APBB2: variants seen among roughly 807,000 people sequenced by gnomAD.
APBB2 encodes Fe65-like 1.
Under a neutral mutation model 82.5 loss-of-function variants are expected in APBB2, and 38 were observed. The observed-to-expected ratio is 0.46, with a 90% CI of 0.36 to 0.60. APBB2 has a LOEUF of 0.60. Ranked by LOEUF, APBB2 falls within the 20% of genes least tolerant of loss-of-function variation. APBB2 has a pLI of 0.00. For synonymous variants in APBB2, 341 were observed against 368.2 expected (o/e 0.93, Z 0.85); for missense variants, 772 against 972.3 (o/e 0.79, Z 2.74).
intron 12 of APBB2, chr4:40,881,532 T>TTA: frequency 1.1e-4 from 24 of 215,510 alleles, no homozygotes; most frequent in Non-Finnish European, 1.6e-4. Flanking sequence ...TCTTTTCTTT[T>TTA]TCTTTTTTTT....
At chr4:41,077,522 CAT>C (rs1032506105) in intron 3 of APBB2, among the ~76,000 whole-genome samples, 69 of 152,178 alleles carry the variant, frequency 4.5e-4, no homozygotes, top group African/African-American at 1.6e-3. Context: ...ATACAAAGTA[CAT>C]AGAGTCAGAA....
intron 4 of APBB2, among the ~76,000 whole-genome samples, chr4:41,052,950 TG>T (rs1365648813): frequency 1.3e-5 from 2 of 151,852 alleles, no homozygotes; most frequent in Non-Finnish European, 2.9e-5. Context: ...TTTTTGGTAG[TG>T]ACGGGGTTTC....
chr4:41,020,869 G>A (rs1811293219), intron 5 of APBB2, among the ~76,000 whole-genome samples: 1 of 152,190 alleles, frequency 6.6e-6, no homozygotes, highest in Admixed American at 6.5e-5. Context: ...GAGGACTGCT[G>A]CACCTTCTTA....
intron 1 of APBB2, among the ~76,000 whole-genome samples, chr4:41,204,829 G>A (rs551903145): frequency 5.1e-4 from 78 of 152,272 alleles, no homozygotes; most frequent in Non-Finnish European, 1.0e-3. Flanking sequence ...AAAGGAATTC[G>A]AAAGATATAA....
At position 41,014,046 on chromosome 4, in the gene APBB2, G is replaced by C; in HGVS notation, c.372C>G (p.Pro124=). 6.2e-7 allele frequency: 1 copy of C among 1,614,178 alleles called. No homozygotes were observed. The highest frequency in any genetic ancestry group is 2.2e-5 in the East Asian group (1 of 44,886). The change falls in exon 6 of 18, where the codon CCC becomes CCG. Residue 124 remains proline (P), a synonymous_variant. Coordinates refer to ENST00000508593, the MANE Select transcript of APBB2 (RefSeq NM_004307.2). The stretch of plus-strand genomic sequence containing the variant: ...CAGAAGTTATGTTGATGACTGCAGT[G>C]GGGCTCAGGTTTTTGTTGGGGTCCT... ...GQQDPNKNLS[P]TAVINITSEK... is the part of the protein sequence containing the mutation.
intron 1 of APBB2, among the ~76,000 whole-genome samples, chr4:41,201,124 A>T (rs1324981189): frequency 6.6e-6 from 1 of 152,212 alleles, no homozygotes; most frequent in Non-Finnish European, 1.5e-5. Flanking sequence ...CTCATTAAAC[A>T]CTGACCTTTA....
At chr4:41,059,905 G>C (rs1221572080) in intron 4 of APBB2, among the ~76,000 whole-genome samples, 4 of 151,872 alleles carry the variant, frequency 2.6e-5, no homozygotes, top group Non-Finnish European at 5.9e-5. Context: ...TCTCCGCACC[G>C]GGAGGCAGAG....
At position 41,127,638 on chromosome 4, in the gene APBB2, G is replaced by A. The variant is rs1754759130; in HGVS notation, c.-261+15349C>T. Among the ~76,000 whole-genome samples the A allele has an allele frequency of 1.3e-5, 2 of 152,134 alleles. No homozygotes were observed. Among genetic ancestry groups the A allele is most frequent in the Admixed American group, 1.3e-4 (2 of 15,266 alleles). On this transcript the variant is annotated intron_variant, in intron 2 of 17. Transcript: ENST00000508593. The surrounding 1 kb of genome is among the most constrained non-coding windows in gnomAD (Gnocchi z 4.8). Reference sequence around the variant, plus strand: ...CAAAGATCTAATATCCAGAATCTAGGAGGAACTTAAACAATTCAATAAGCA... The same window carrying A: ...CAAAGATCTAATATCCAGAATCTAGAAGGAACTTAAACAATTCAATAAGCA...
At chr4:41,103,932 T>A (rs1351309183) in intron 2 of APBB2, among the ~76,000 whole-genome samples, 1 of 152,218 alleles carries the variant, frequency 6.6e-6, no homozygotes, top group Non-Finnish European at 1.5e-5. Flanking sequence ...ATGTTTAAAG[T>A]TTATAAACCC....
intron 12 of APBB2, among the ~76,000 whole-genome samples, chr4:40,856,215 G>T (rs371066218): frequency 4.6e-5 from 7 of 152,168 alleles, no homozygotes; most frequent in African/African-American, 1.4e-4. Flanking sequence ...CCCTCCTTCC[G>T]CCTTCTCCCA....
In APBB2 at chr4:40,827,283, G is replaced by A. The variant is rs187862892; in HGVS notation, c.1645-64C>T. The A allele has an allele frequency of 2.1e-6, 3 of 1,434,676 alleles. No homozygotes were observed. The Admixed American group carries it at 5.1e-5, about 24-fold the overall frequency. 88.9% of individuals were successfully genotyped at this position (1,434,676 alleles called of 1,614,324 possible). On this transcript the variant is annotated intron_variant, in intron 13 of 17. Transcript: ENST00000508593. ...AGCCCCCATGTCTTCAGCTATTCCA[G>A]CCTGTAAAGTGTCTAGGTTGACTTC... is the stretch of plus-strand genomic sequence containing the variant.
At chr4:40,866,591 T>G (rs1434273671) in intron 12 of APBB2, among the ~76,000 whole-genome samples, 1 of 152,238 alleles carries the variant, frequency 6.6e-6, no homozygotes, top group East Asian at 1.9e-4. Context: ...GCCGATATAA[T>G]TTTGATCCTT....
At chr4:41,010,386 A>G (rs978767236) in intron 6 of APBB2, among the ~76,000 whole-genome samples, 1 of 152,240 alleles carries the variant, frequency 6.6e-6, no homozygotes, top group Non-Finnish European at 1.5e-5. Flanking sequence ...TAACATGTAA[A>G]AAAAACTCTA....
intron 2 of APBB2, among the ~76,000 whole-genome samples, chr4:41,138,571 T>C (rs1184522339): frequency 1.3e-5 from 2 of 152,136 alleles, no homozygotes; most frequent in Non-Finnish European, 2.9e-5. Flanking sequence ...CCAAAGAAGA[T>C]ATAGGAGTGA....
chr4:41,065,979 G>A (rs866908433), intron 3 of APBB2, among the ~76,000 whole-genome samples: 28 of 152,140 alleles, frequency 1.8e-4, no homozygotes, highest in Admixed American at 7.2e-4. Context: ...TCTCACCTGC[G>A]TTTCCCTGAT....
At position 41,192,253 on chromosome 4, in the gene APBB2, A is replaced by G. The variant is rs567189462; in HGVS notation, c.-417+22152T>C. Among the ~76,000 whole-genome samples, 4 of 152,366 alleles carry G rather than the reference A, an allele frequency of 2.6e-5. No individual in the cohort carries two copies. In the East Asian group the frequency reaches 7.7e-4, roughly 29 times the overall value. ...GGAGGTTACCAAAGAAACTCAAAAC[A>G]GAACTACTATAGGAGCCAGCAATCC... On this transcript the variant is annotated intron_variant, in intron 1 of 17. Transcript: ENST00000508593.
chr4:40,903,154 A>T (rs573303852), intron 10 of APBB2, among the ~76,000 whole-genome samples: 3 of 152,078 alleles, frequency 2.0e-5, no homozygotes, highest in Non-Finnish European at 2.9e-5. Context: ...ATCTCTAAAA[A>T]AAACAGTAAT....
rs7683926 is a variant in APBB2 at position 41,166,307 on chromosome 4, G to A, written c.-416-23165C>T. ...TCCCAACACTTTGGGAGGCTGAGGCGGGAAGATCACTTGAGCCCAGGAGTT... is the reference window on the plus strand; with the variant it reads ...TCCCAACACTTTGGGAGGCTGAGGCAGGAAGATCACTTGAGCCCAGGAGTT... On this transcript the variant is annotated intron_variant, in intron 1 of 17. Coordinates refer to ENST00000508593, the MANE Select transcript of APBB2 (RefSeq NM_004307.2). Among the ~76,000 whole-genome samples, 580 of 150,874 alleles carry A rather than the reference G, an allele frequency of 3.8e-3. 3 individuals carry two copies. Among genetic ancestry groups the A allele is most frequent in the African/African-American group, 0.013 (534 of 41,140 alleles).
intron 6 of APBB2, among the ~76,000 whole-genome samples, chr4:41,008,581 A>G (rs1202113774): frequency 6.6e-6 from 1 of 152,244 alleles, no homozygotes; most frequent in Non-Finnish European, 1.5e-5. Context: ...TAGGTAATTC[A>G]TAATTAAGAG....
Sources: gnomAD v4.1 joint callset for allele counts (sites outside exome capture counted in the v4.1 genomes callset) on GRCh38, gnomAD v4.1.1 for gene constraint, Gnocchi (gnomAD v3.1) non-coding constraint, MANE v1.5 for transcripts, NCBI Gene and HGNC (gene_info 2026-07-23, HGNC 2026-07-21) for gene names.